The following LPA variants were observed in gnomAD, a reference collection of about 807,000 sequenced individuals.
LPA encodes apolipoprotein(a).
Under a neutral mutation model 197.9 loss-of-function variants are expected in LPA, and 199 were observed. The ratio of observed to expected loss-of-function variants is 1.01; its 90% confidence interval spans 0.90 to 1.13. The LOEUF (loss-of-function observed/expected upper bound fraction) is 1.13, where lower values mean the gene tolerates loss of function less well. LPA is among the 50% of genes most tolerant of loss of function. The probability of loss-of-function intolerance (pLI) is 0.00; values close to 1 mark genes in which losing one functional copy is unlikely to be tolerated. For missense variants in LPA, 1,853 were observed against 1,785.8 expected, an observed-to-expected ratio of 1.04 and a Z score of -0.68; for synonymous variants, 715 against 639.5, an observed-to-expected ratio of 1.12 and a Z score of -1.78.
rs753283326 is a variant in LPA, at chr6:160,607,238, A to G, written c.2604-580T>C. Among the ~76,000 whole-genome samples, 3 of 152,038 alleles carry G rather than the reference A, an allele frequency of 2.0e-5. No homozygotes were observed. The South Asian group carries it at 6.2e-4, about 31-fold the overall frequency. On this transcript the variant is annotated intron_variant, in intron 16 of 38. Transcript: ENST00000316300. ...CATGGAAAAGCACTGTGCAAATTGT[A>G]TTACTTTCTGTCATTCCCATATCAT... is the stretch of plus-strand genomic sequence containing the variant.
At chr6:160,656,372 T>C (rs1050400743) in intron 1 of LPA, among the ~76,000 whole-genome samples, 2 of 152,244 alleles carry the variant, frequency 1.3e-5, no homozygotes, top group African/African-American at 4.8e-5. Context: ...GTGGCATTTC[T>C]GCCAGCTAAT....
rs980542936 is a variant in LPA, at chr6:160,531,662, C to A, written c.*67G>T. 5.7e-6 allele frequency: 9 copies of A among 1,586,058 alleles called. No homozygotes were observed. Among genetic ancestry groups the A allele is most frequent in the Non-Finnish European group, 6.9e-6 (8 of 1,155,032 alleles). ...TTTGATTGCTGTCTATTATTTCCAG[C>A]ATGCTAAATCCTTACCCACGTTTCA... On this transcript the variant is annotated 3_prime_UTR_variant, in exon 39 of 39. Coordinates refer to ENST00000316300, the MANE Select transcript of LPA (RefSeq NM_005577.4).
At chr6:160,576,845 G>C (rs973844098) in intron 28 of LPA, among the ~76,000 whole-genome samples, 4 of 151,718 alleles carry the variant, frequency 2.6e-5, no homozygotes, top group Non-Finnish European at 4.4e-5. Context: ...AGTGGGCATT[G>C]TGGAATGGTG....
rs367816002 is a variant in LPA at position 160,582,971 on chromosome 6, G to T, written c.4289+2075C>A. ...CTGTACTATCTAATATGATTATAAG[G>T]CCATGTAGTGATTTTCTCATTAAAG... On this transcript the variant is annotated intron_variant, in intron 26 of 38. Transcript: ENST00000316300. 1.4e-4 allele frequency among the ~76,000 whole-genome samples: 22 copies of T among 151,952 alleles called. No homozygotes were observed. In the East Asian group the frequency reaches 3.1e-3, roughly 21 times the overall value.
intron 28 of LPA, among the ~76,000 whole-genome samples, chr6:160,571,227 A>G (rs1333031174): frequency 1.3e-5 from 2 of 152,074 alleles, no homozygotes; most frequent in African/African-American, 4.8e-5. Context: ...AAGGTCATTT[A>G]TGTTCTTCTC....
At chr6:160,585,329 A>G in intron 25 of LPA, 124 bp from the exon 26 acceptor site, 2 of 887,340 alleles carry the variant, frequency 2.3e-6, no homozygotes, top group Admixed American at 1.8e-5. Context: ...ATTAGCATGC[A>G]AATTGAAATG....
At chr6:160,534,127 A>G (rs1777848035) in intron 37 of LPA, among the ~76,000 whole-genome samples, 1 of 152,202 alleles carries the variant, frequency 6.6e-6, no homozygotes, top group Non-Finnish European at 1.5e-5. Context: ...TTACATGAGC[A>G]GCGTGGAAGA....
chr6:160,572,365 G>A (rs1378800332), intron 28 of LPA, among the ~76,000 whole-genome samples: 1 of 152,158 alleles, frequency 6.6e-6, no homozygotes, highest in East Asian at 1.9e-4. Context: ...TTTAAGTGGA[G>A]CATTTAGGCC....
chr6:160,552,760 A>G (rs1778186481), intron 30 of LPA, among the ~76,000 whole-genome samples: 1 of 152,158 alleles, frequency 6.6e-6, no homozygotes, highest in Admixed American at 6.5e-5. Flanking sequence ...TAAAAAGAAC[A>G]CACTTAGCTG....
chr6:160,658,710 G>C (rs1324161763), intron 1 of LPA, among the ~76,000 whole-genome samples: 17 of 152,120 alleles, frequency 1.1e-4, no homozygotes, highest in Admixed American at 1.0e-3. Context: ...ATTAGAAGTA[G>C]AGTCCTTAGC....
intron 24 of LPA, among the ~76,000 whole-genome samples, chr6:160,588,203 A>G (rs988323818): frequency 6.6e-6 from 1 of 152,064 alleles, no homozygotes; most frequent in Non-Finnish European, 1.5e-5. Flanking sequence ...CGCAATAGGA[A>G]TGCCATATAA....
At chr6:160,591,528 G>C in intron 22 of LPA, among the ~76,000 whole-genome samples, 1 of 152,114 alleles carries the variant, frequency 6.6e-6, no homozygotes, top group East Asian at 1.9e-4. Flanking sequence ...TTCAGTATCT[G>C]GTTTGCTGAT....
intron 35 of LPA, among the ~76,000 whole-genome samples, chr6:160,540,699 C>T (rs1031233123): frequency 1.3e-5 from 2 of 152,232 alleles, no homozygotes; most frequent in Non-Finnish European, 2.9e-5. Flanking sequence ...GAGGAGATGA[C>T]AGCATCCTGC....
chr6:160,585,561 T>C (rs1778894435), intron 25 of LPA, among the ~76,000 whole-genome samples: 1 of 152,076 alleles, frequency 6.6e-6, no homozygotes, highest in African/African-American at 2.4e-5. Context: ...TGCATCAAGC[T>C]GTTCAGGCTA....
chr6:160,663,462 T>A (rs537302211), intron 1 of LPA, among the ~76,000 whole-genome samples: 3 of 152,202 alleles, frequency 2.0e-5, no homozygotes, highest in Non-Finnish European at 4.4e-5. Context: ...ACCCTACCTA[T>A]ACCATGAGCT....
chr6:160,608,058 A>G (rs1779398492), intron 16 of LPA, among the ~76,000 whole-genome samples: 1 of 152,216 alleles, frequency 6.6e-6, no homozygotes. Flanking sequence ...AAAATTAAAT[A>G]TATTGCTATC....
At chr6:160,660,928 G>A (rs967985062) in intron 1 of LPA, among the ~76,000 whole-genome samples, 1 of 152,188 alleles carries the variant, frequency 6.6e-6, no homozygotes, top group Admixed American at 6.5e-5. Context: ...AGCAGAACCT[G>A]GGACCAATAC....
At chr6:160,557,623 G>GC in intron 28 of LPA, 52 bp from the exon 29 acceptor site, 1 of 1,488,734 alleles carries the variant, frequency 6.7e-7, no homozygotes, top group Non-Finnish European at 9.4e-7. Flanking sequence ...AAATTCAGGG[G>GC]CACCCAGCGC....
chr6:160,555,389 G>A (rs559809255), intron 30 of LPA, among the ~76,000 whole-genome samples: 11 of 138,246 alleles, frequency 8.0e-5, no homozygotes, highest in African/African-American at 3.0e-4. Flanking sequence ...AGGGTATTTG[G>A]TCATCAGTCA....
Sources: gnomAD v4.1 joint callset for allele counts (sites outside exome capture counted in the v4.1 genomes callset) on GRCh38, gnomAD v4.1.1 for gene constraint, MANE v1.5 for transcripts, NCBI Gene and HGNC (gene_info 2026-07-23, HGNC 2026-07-21) for gene names.